The following SH2D3C variants were observed in gnomAD, a reference collection of about 807,000 sequenced individuals.
The protein encoded by SH2D3C is SH2 domain-containing protein 3C.
Under a neutral mutation model 75.2 loss-of-function variants are expected in SH2D3C, and 25 were observed. The observed-to-expected ratio is 0.33, with a 90% confidence interval of 0.24 to 0.46. The LOEUF (loss-of-function observed/expected upper bound fraction) is 0.46, where lower values mean the gene tolerates loss of function less well. Ranked by LOEUF, SH2D3C falls within the 20% of genes least tolerant of loss-of-function variation. The pLI is 1.00. For missense variants in SH2D3C, 933 were observed against 1,165.3 expected (o/e 0.80, Z 2.90); for synonymous variants, 450 against 473.7 (o/e 0.95, Z 0.65).
At chr9:127,770,184 C>G (rs182574475) in intron 2 of SH2D3C, among the ~76,000 whole-genome samples, 2 of 152,218 alleles carry the variant, frequency 1.3e-5, no homozygotes, top group East Asian at 3.9e-4. Context: ...CTCCTCCCTC[C>G]TTCCTCTTCA....
At chr9:127,771,159 C>T (rs767903290) in intron 2 of SH2D3C, 12 of 1,512,718 alleles carry the variant, frequency 7.9e-6, no homozygotes, top group African/African-American at 2.8e-5. Context: ...CCCGCTGGCC[C>T]TCCCCAGGCC....
At chr9:127,748,228 C>T (rs1845091520) in intron 5 of SH2D3C, among the ~76,000 whole-genome samples, 1 of 152,112 alleles carries the variant, frequency 6.6e-6, no homozygotes, top group South Asian at 2.1e-4. Context: ...CCAACCTCTC[C>T]TCACTGCTCC....
rs1192704806 is a variant in SH2D3C, at chr9:127,741,815, C to T, written c.2061G>A (p.Ala687=). The change falls in exon 9 of 12, where the codon GCG becomes GCA. Residue 687 remains alanine (A), a synonymous_variant. Transcript: ENST00000314830. ...GTMGNMFSFA[A]VMGALDMAQI... ...GGGCCATGTCCAGGGCACCCATGAC[C>T]GCCGCGAAGCTGAACATGTTGCCCA... 1.3e-5 allele frequency: 21 copies of T among 1,613,156 alleles called. No individual in the cohort carries two copies. Among genetic ancestry groups the T allele is most frequent in the Non-Finnish European group, 1.7e-5 (20 of 1,179,996 alleles).
Position 127,749,565 on chromosome 9 carries a change from G to T in SH2D3C, c.785C>A (p.Ala262Asp). The stretch of plus-strand genomic sequence containing the variant: ...CACCTTGTTGATCTTGAAGTGCAAG[G>T]CCTGGTTGCGCCAGCGGCACGTGAG... ...YVLTCRWRNQ[A>D]LHFKINKVVV... Residue 262 changes from alanine (A) to aspartate (D), a missense_variant, in exon 5 of 12, where the codon GCC (alanine) becomes GAC (aspartate). Ala to Asp is a moderately radical substitution (Grantham distance 126). Coordinates refer to ENST00000314830, the MANE Select transcript of SH2D3C (RefSeq NM_170600.3). This position sits in a 1 kb window ranked among gnomAD's most constrained non-coding sequence, Gnocchi z 5.9. The T allele has an allele frequency of 6.2e-7, 1 of 1,612,068 alleles. No homozygotes were observed. The highest frequency in any genetic ancestry group is 8.5e-7 in the Non-Finnish European group (1 of 1,179,074).
At position 127,754,335 on chromosome 9, in the gene SH2D3C, G is replaced by A. The variant is rs1845294348; in HGVS notation, c.556-3035C>T. Among the ~76,000 whole-genome samples, 1 of 152,174 alleles carries A rather than the reference G, an allele frequency of 6.6e-6. No individual in the cohort carries two copies. The highest frequency in any genetic ancestry group is 2.1e-4 in the South Asian group (1 of 4,828). ...TGGCATCTCCCAGGGGGCTCAGGGGGCAGGAGCGCGGAGACCCCCGGACAG... is the reference window on the plus strand; with the variant it reads ...TGGCATCTCCCAGGGGGCTCAGGGGACAGGAGCGCGGAGACCCCCGGACAG... On this transcript the variant is annotated intron_variant, in intron 3 of 11. Coordinates refer to ENST00000314830, the MANE Select transcript of SH2D3C (RefSeq NM_170600.3). The surrounding 1 kb of genome is among the most constrained non-coding windows in gnomAD (Gnocchi z 4.4).
chr9:127,771,563 G>C, intron 2 of SH2D3C: 1 of 334,298 alleles, frequency 3.0e-6, no homozygotes, highest in South Asian at 6.0e-5. Flanking sequence ...TTCCCCAGCA[G>C]CTCTCCGCGC....
intron 2 of SH2D3C, among the ~76,000 whole-genome samples, chr9:127,762,605 C>T (rs1405545094): frequency 3.9e-5 from 6 of 152,218 alleles, no homozygotes; most frequent in African/African-American, 1.2e-4. Context: ...CCTGCCGCTC[C>T]GCCGTCAGAA....
At position 127,744,936 on chromosome 9, in the gene SH2D3C, G is replaced by A; in HGVS notation, c.1428C>T (p.Gly476=). Residue 476 remains glycine, a synonymous_variant, in exon 7 of 12, where the codon GGC becomes GGT. Transcript: ENST00000314830. ...GPHTSPSHTL[G]KASPSPSLSS... is the part of the protein sequence containing the mutation. The stretch of plus-strand genomic sequence containing the variant: ...TGAGTGATGGTGACGGGGAGGCCTT[G>A]CCAAGGGTGTGGGAGGGGCTGGTGT... 6.3e-7 allele frequency: 1 copy of A among 1,590,736 alleles called. No individual in the cohort carries two copies. The highest frequency in any genetic ancestry group is 8.6e-7 in the Non-Finnish European group (1 of 1,166,214).
At chr9:127,762,388 C>T in intron 2 of SH2D3C, 1 of 1,187,898 alleles carries the variant, frequency 8.4e-7, no homozygotes, top group South Asian at 1.3e-5. Context: ...GGAAACCCAA[C>T]TACCTCCTGG....
intron 1 of SH2D3C, among the ~76,000 whole-genome samples, chr9:127,777,102 C>G (rs900999591): frequency 1.3e-5 from 2 of 152,180 alleles, no homozygotes; most frequent in African/African-American, 4.8e-5. Context: ...GTCTCTGGGC[C>G]TCAGCGTTGC....
Position 127,771,318 on chromosome 9 carries a change from G to C in SH2D3C, c.515+2672C>G, listed in dbSNP as rs1845734090. 4 of 1,435,340 alleles carry C rather than the reference G, an allele frequency of 2.8e-6. No homozygotes were observed. In the South Asian group the frequency reaches 4.4e-5, roughly 16 times the overall value. The allele number at this position is 1,435,340 out of a possible 1,614,324, so 88.9% of individuals were successfully genotyped here. A position where few individuals can be genotyped will look rare whatever the true frequency, so the allele number is the denominator to read the frequency against. ...TCGGGCCACTGAGCTGCAGAGCTCA[G>C]TGCCGGACTCCGGGGGCGGAGACTG... On this transcript the variant is annotated intron_variant, in intron 2 of 11. Transcript: ENST00000314830.
At chr9:127,755,014 C>T in intron 3 of SH2D3C, 1 of 783,414 alleles carries the variant, frequency 1.3e-6, no homozygotes, top group Non-Finnish European at 1.7e-6. Context: ...GGCTCTAGGG[C>T]CCCGGGCGGA....
rs1258286192 is a variant in SH2D3C, at chr9:127,754,221, G to C, written c.556-2921C>G. On this transcript the variant is annotated intron_variant, in intron 3 of 11. Coordinates refer to ENST00000314830, the MANE Select transcript of SH2D3C (RefSeq NM_170600.3). This position sits in a 1 kb window ranked among gnomAD's most constrained non-coding sequence, Gnocchi z 4.4. ...GCGCGCGCCTGATTGGCCGGTGCGG[G>C]GATGCTGCGCTCCGCCGCCGGCGGG... 6.6e-6 allele frequency among the ~76,000 whole-genome samples: 1 copy of C among 152,156 alleles called. No homozygotes were observed. Among genetic ancestry groups the C allele is most frequent in the African/African-American group, 2.4e-5 (1 of 41,438 alleles).
chr9:127,763,001 C>G (rs1457419201), intron 2 of SH2D3C, among the ~76,000 whole-genome samples: 1 of 152,234 alleles, frequency 6.6e-6, no homozygotes, highest in Non-Finnish European at 1.5e-5. Context: ...GCCACCCTGC[C>G]GACCCTCCAG....
At position 127,767,615 on chromosome 9, in the gene SH2D3C, G is replaced by A. The variant is rs1046180062; in HGVS notation, c.516-5965C>T. Among the ~76,000 whole-genome samples, 4 of 152,196 alleles carry A rather than the reference G, an allele frequency of 2.6e-5. No homozygotes were observed. In the South Asian group the frequency reaches 6.2e-4, roughly 24 times the overall value. ...TGGGGTGGAGCCTGAGAGGGCCCTCGGCTGGGAGGTAGGAAGTGGTGTGGC... is the reference window on the plus strand; with the variant it reads ...TGGGGTGGAGCCTGAGAGGGCCCTCAGCTGGGAGGTAGGAAGTGGTGTGGC... On this transcript the variant is annotated intron_variant, in intron 2 of 11. Coordinates refer to ENST00000314830, the MANE Select transcript of SH2D3C (RefSeq NM_170600.3).
chr9:127,756,404 C>T (rs903587228), intron 3 of SH2D3C, among the ~76,000 whole-genome samples: 3 of 152,238 alleles, frequency 2.0e-5, no homozygotes, highest in African/African-American at 7.2e-5. Flanking sequence ...GCCTCAGGTC[C>T]AAATCCTTCT....
In SH2D3C at chr9:127,749,204, G is replaced by T; in HGVS notation, c.1139+7C>A. 1 of 1,546,260 alleles carries T rather than the reference G, an allele frequency of 6.5e-7. No homozygotes were observed. On this transcript the variant is annotated splice_region_variant and intron_variant, in intron 5 of 11. Coordinates refer to ENST00000314830, the MANE Select transcript of SH2D3C (RefSeq NM_170600.3). The surrounding 1 kb of genome is among the most constrained non-coding windows in gnomAD (Gnocchi z 5.9). ...AACCCCATTTGACAAATGGGGCCCTGGCTGACCTGGTGGGGCAGCCATCGC... is the reference window on the plus strand; with the variant it reads ...AACCCCATTTGACAAATGGGGCCCTTGCTGACCTGGTGGGGCAGCCATCGC...
At chr9:127,776,997 T>C (rs1483968599) in intron 1 of SH2D3C, among the ~76,000 whole-genome samples, 1 of 151,860 alleles carries the variant, frequency 6.6e-6, no homozygotes, top group Admixed American at 6.6e-5. Context: ...CACCAGACGT[T>C]TGGAGGAGAT....
At position 127,741,915 on chromosome 9, in the gene SH2D3C, C is replaced by G. The variant is rs775040036; in HGVS notation, c.1961G>C (p.Cys654Ser). Reference protein sequence around the residue: ...SIMLAVDILGCTGSAEERAAL... With the variant: ...SIMLAVDILGSTGSAEERAAL... Reference sequence around the variant, plus strand: ...TGCCCGCTCCTCCGCAGAGCCGGTGCAGCCCAGGATGTCCACGGCCAGCAT... The same window carrying G: ...TGCCCGCTCCTCCGCAGAGCCGGTGGAGCCCAGGATGTCCACGGCCAGCAT... The change falls in exon 9 of 12, where the codon TGC becomes TCC. Residue 654 changes from cysteine to serine, a missense_variant. Physicochemically the swap from Cys to Ser is moderately radical, Grantham distance 112 (BLOSUM62 -1). Transcript: ENST00000314830. 6.2e-7 allele frequency: 1 copy of G among 1,613,010 alleles called. No individual in the cohort carries two copies. The highest frequency in any genetic ancestry group is 1.1e-5 in the South Asian group (1 of 91,074).
Sources: gnomAD v4.1 joint callset for allele counts (sites outside exome capture counted in the v4.1 genomes callset) on GRCh38, gnomAD v4.1.1 for gene constraint, Gnocchi (gnomAD v3.1) non-coding constraint, MANE v1.5 for transcripts, NCBI Gene and HGNC (gene_info 2026-07-23, HGNC 2026-07-21) for gene names.